The following SAMD4A variants were observed in gnomAD, a reference collection of about 807,000 sequenced individuals.
The protein encoded by SAMD4A is protein Smaug homolog 1.
A neutral mutation model predicts 81.3 loss-of-function variants in SAMD4A; 33 were observed. That is an observed-to-expected ratio of 0.41 (90% CI 0.31 to 0.54). SAMD4A has a LOEUF of 0.54. Ranked by LOEUF, SAMD4A falls within the 20% of genes least tolerant of loss-of-function variation. The probability of loss-of-function intolerance (pLI) is 0.37; values close to 1 mark genes in which losing one functional copy is unlikely to be tolerated. For missense variants in SAMD4A, 854 were observed against 951.1 expected (o/e 0.90, Z 1.34); for synonymous variants, 389 against 382.1 (o/e 1.02, Z -0.21).
intron 2 of SAMD4A, among the ~76,000 whole-genome samples, chr14:54,649,454 G>T (rs1366897516): frequency 6.6e-6 from 1 of 152,190 alleles, no homozygotes; most frequent in Non-Finnish European, 1.5e-5. Context: ...TGCATCGTGT[G>T]GGGTGGTGAT....
At chr14:54,640,016 T>C (rs980198868) in intron 2 of SAMD4A, among the ~76,000 whole-genome samples, 3 of 136,596 alleles carry the variant, frequency 2.2e-5, no homozygotes, top group Non-Finnish European at 4.8e-5. Context: ...CCAAAATATC[T>C]ATGTTTGATA....
intron 2 of SAMD4A, among the ~76,000 whole-genome samples, chr14:54,639,849 TCTG>T (rs1347581942): frequency 1.3e-5 from 2 of 151,678 alleles, no homozygotes; most frequent in Non-Finnish European, 2.9e-5. Context: ...TGTTACTAGT[TCTG>T]CTATGTCTGG....
In SAMD4A at chr14:54,790,342, T is replaced by C. The variant is rs555608496; in HGVS notation, c.*1398T>C. ...GATGTAGGAAAGGTTGATTTCAAGA[T>C]GGAAATGACAGCGCTATCCGCACAG... On this transcript the variant is annotated 3_prime_UTR_variant, in exon 13 of 13. Coordinates refer to ENST00000554335, the MANE Select transcript of SAMD4A (RefSeq NM_015589.6). 4 of 152,374 alleles carry C rather than the reference T, an allele frequency of 2.6e-5. No homozygotes were observed. Among genetic ancestry groups the C allele is most frequent in the Middle Eastern group, 3.4e-3 (1 of 294 alleles). The allele number at this position is 152,374 out of a possible 1,614,324, so 9.4% of individuals were successfully genotyped here. A position where few individuals can be genotyped will look rare whatever the true frequency, so the allele number is the denominator to read the frequency against.
In SAMD4A at chr14:54,664,862, A is replaced by G. The variant is rs1594785579; in HGVS notation, c.197-37200A>G. Among the ~76,000 whole-genome samples, 3 of 151,058 alleles carry G rather than the reference A, an allele frequency of 2.0e-5. No homozygotes were observed. The East Asian group carries it at 5.8e-4, about 29-fold the overall frequency. ...ACACACACACACACTTCCTTAAAAT[A>G]ATAAGCTTTAATTTTTTAAAGTGTG... On this transcript the variant is annotated intron_variant, in intron 2 of 12. Transcript: ENST00000554335.
At chr14:54,764,075 G>A (rs1234611749) in intron 7 of SAMD4A, among the ~76,000 whole-genome samples, 3 of 152,210 alleles carry the variant, frequency 2.0e-5, no homozygotes, top group African/African-American at 7.2e-5. Flanking sequence ...TAAAATCACG[G>A]AGGCTGCTCT....
At chr14:54,679,592 C>T (rs181849048) in intron 2 of SAMD4A, among the ~76,000 whole-genome samples, 4 of 152,226 alleles carry the variant, frequency 2.6e-5, no homozygotes, top group Admixed American at 2.6e-4. Context: ...AAAGTGAATG[C>T]CTATCATTAT....
At chr14:54,770,912 T>A (rs937565390) in intron 9 of SAMD4A, among the ~76,000 whole-genome samples, 35 of 152,308 alleles carry the variant, frequency 2.3e-4, no homozygotes, top group Middle Eastern at 3.4e-3. Context: ...GATAGGGAAT[T>A]GTTGGGACAT....
chr14:54,740,170 TC>T (rs1489770819), intron 4 of SAMD4A, among the ~76,000 whole-genome samples: 2 of 152,210 alleles, frequency 1.3e-5, no homozygotes, highest in East Asian at 3.9e-4. Context: ...TGAGACTCCA[TC>T]TCAAATAAAA....
At chr14:54,736,436 C>T (rs1309410463) in intron 3 of SAMD4A, among the ~76,000 whole-genome samples, 1 of 152,172 alleles carries the variant, frequency 6.6e-6, no homozygotes, top group South Asian at 2.1e-4. Context: ...ACCCTGAGGT[C>T]ATGTTAGTAC....
chr14:54,597,511 G>A (rs1427514451), intron 2 of SAMD4A, among the ~76,000 whole-genome samples: 1 of 151,358 alleles, frequency 6.6e-6, no homozygotes, highest in South Asian at 2.1e-4. Flanking sequence ...CTGATCTCAG[G>A]TGATCGCCCA....
intron 2 of SAMD4A, among the ~76,000 whole-genome samples, chr14:54,673,253 T>A (rs1465738831): frequency 1.3e-5 from 2 of 152,206 alleles, no homozygotes; most frequent in Non-Finnish European, 2.9e-5. Flanking sequence ...GAGCAGCACA[T>A]GTTTGTCCAG....
At chr14:54,692,465 AT>A (rs1380152927) in intron 2 of SAMD4A, among the ~76,000 whole-genome samples, 4 of 152,212 alleles carry the variant, frequency 2.6e-5, no homozygotes, top group Admixed American at 2.6e-4. Context: ...TACGTGGACA[AT>A]GCCGTGCTCC....
chr14:54,664,543 A>G (rs910292489), intron 2 of SAMD4A, among the ~76,000 whole-genome samples: 1 of 151,926 alleles, frequency 6.6e-6, no homozygotes, highest in Non-Finnish European at 1.5e-5. Context: ...CCATCTTTAC[A>G]CTTTCTCACA....
At chr14:54,775,202 C>A in intron 10 of SAMD4A, 67 bp downstream of exon 10, 1 of 1,583,660 alleles carries the variant, frequency 6.3e-7, no homozygotes, top group Non-Finnish European at 8.7e-7. Context: ...GATGTCCCCC[C>A]AGGTGACCCC....
chr14:54,751,571 C>A (rs762843914), intron 6 of SAMD4A, 34 bp downstream of exon 6: 3 of 1,358,520 alleles, frequency 2.2e-6, no homozygotes, highest in East Asian at 2.3e-5. Flanking sequence ...TTTCCACTTT[C>A]ATTATGGGAA....
chr14:54,613,136 GAA>G (rs1214591325), intron 2 of SAMD4A, among the ~76,000 whole-genome samples: 1 of 100,298 alleles, frequency 1.0e-5, no homozygotes, highest in Admixed American at 1.0e-4. Context: ...GAGAGAGAGA[GAA>G]AGGAAGGAAG....
chr14:54,573,875 C>T (rs1401006133), intron 2 of SAMD4A, among the ~76,000 whole-genome samples: 1 of 152,232 alleles, frequency 6.6e-6, no homozygotes, highest in Non-Finnish European at 1.5e-5. Context: ...GAGTACCTGC[C>T]TGCTTTTATG....
intron 2 of SAMD4A, among the ~76,000 whole-genome samples, chr14:54,603,988 C>T (rs1471649199): frequency 1.3e-5 from 2 of 152,082 alleles, no homozygotes; most frequent in African/African-American, 4.8e-5. Flanking sequence ...CCATGCCCGG[C>T]TAATTTTTGT....
intron 3 of SAMD4A, among the ~76,000 whole-genome samples, chr14:54,723,087 C>A (rs951987988): frequency 9.8e-6 from 1 of 101,606 alleles, no homozygotes; most frequent in African/African-American, 3.1e-5. Flanking sequence ...TTATGGTTAT[C>A]TTATATTTTT....
Sources: gnomAD v4.1 joint callset for allele counts (sites outside exome capture counted in the v4.1 genomes callset) on GRCh38, gnomAD v4.1.1 for gene constraint, MANE v1.5 for transcripts, NCBI Gene and HGNC (gene_info 2026-07-23, HGNC 2026-07-21) for gene names.